Variants in RSBN1L observed in about 807,000 individuals in gnomAD.
RSBN1L encodes lysine-specific demethylase RSBN1L.
RSBN1L carries 30 observed loss-of-function variants against 67.7 expected under a neutral mutation model. The observed-to-expected ratio is 0.44, with a 90% CI of 0.33 to 0.60. The LOEUF (loss-of-function observed/expected upper bound fraction) is 0.60, where lower values mean the gene tolerates loss of function less well. Among genes scored for constraint, RSBN1L ranks in the 20% least tolerant of loss-of-function variants. RSBN1L has a pLI of 0.02. For missense variants in RSBN1L, 992 were observed against 1,031.7 expected (o/e 0.96, Z 0.53); for synonymous variants, 433 against 387.0 (o/e 1.12, Z -1.39).
intron 1 of RSBN1L, among the ~76,000 whole-genome samples, chr7:77,723,719 A>G (rs1791153465): frequency 6.6e-6 from 1 of 152,056 alleles, no homozygotes; most frequent in South Asian, 2.1e-4. Flanking sequence ...GAGGATCACA[A>G]GGTTAGGAGT....
chr7:77,769,980 C>T (rs1350736350), intron 5 of RSBN1L, among the ~76,000 whole-genome samples: 1 of 152,044 alleles, frequency 6.6e-6, no homozygotes, highest in Admixed American at 6.6e-5. Context: ...AATAAAAACA[C>T]GAAAGGTAAA....
In RSBN1L at chr7:77,749,725, TAA is replaced by T; in HGVS notation, c.1006_1007del (p.Asn336ProfsTer10). The T allele has an allele frequency of 6.2e-7, 1 of 1,614,160 alleles. No homozygotes were observed. Among genetic ancestry groups the T allele is most frequent in the Non-Finnish European group, 8.5e-7 (1 of 1,180,010 alleles). ...VSLKEPRVQN[N>X]LKRLDTLEFK... ...CATTAAAGGAGCCACGAGTTCAGAA[TAA>T]CCTCAAAAGGTTGGACACTTTGGAA... On this transcript the variant is annotated frameshift_variant, in exon 3 of 8. Transcript: ENST00000334955. LOFTEE classifies it high-confidence loss of function.
chr7:77,737,479 G>A (rs1791352546), intron 2 of RSBN1L, among the ~76,000 whole-genome samples: 1 of 152,154 alleles, frequency 6.6e-6, no homozygotes, highest in African/African-American at 2.4e-5. Flanking sequence ...TCTTTGTCAT[G>A]TTTTCAGATA....
intron 3 of RSBN1L, among the ~76,000 whole-genome samples, chr7:77,763,950 A>G (rs533016863): frequency 1.3e-5 from 2 of 152,248 alleles, no homozygotes; most frequent in Non-Finnish European, 2.9e-5. Context: ...GTCATTATTA[A>G]ACTGCTTTGC....
chr7:77,713,356 T>A (rs117493231), intron 1 of RSBN1L, among the ~76,000 whole-genome samples: 7 of 151,568 alleles, frequency 4.6e-5, no homozygotes, highest in African/African-American at 1.7e-4. Context: ...TTCTCTCTCT[T>A]CCTTTTTTTT....
intron 1 of RSBN1L, among the ~76,000 whole-genome samples, chr7:77,715,284 A>T (rs1791031588): frequency 6.6e-6 from 1 of 152,064 alleles, no homozygotes; most frequent in Non-Finnish European, 1.5e-5. Flanking sequence ...AGAAAGAAAG[A>T]TTAGAGTGGA....
At chr7:77,710,262 C>G (rs1790955262) in intron 1 of RSBN1L, among the ~76,000 whole-genome samples, 1 of 152,238 alleles carries the variant, frequency 6.6e-6, no homozygotes, top group Admixed American at 6.5e-5. Context: ...ACATACCACC[C>G]TGAACCCTGT....
At chr7:77,775,564 AC>A (rs1791902931) in intron 6 of RSBN1L, among the ~76,000 whole-genome samples, 1 of 151,792 alleles carries the variant, frequency 6.6e-6, no homozygotes, top group African/African-American at 2.4e-5. Flanking sequence ...TTCTTTTTTA[AC>A]CCATGGGTTA....
chr7:77,707,338 A>T (rs573000851), intron 1 of RSBN1L, among the ~76,000 whole-genome samples: 2 of 152,264 alleles, frequency 1.3e-5, no homozygotes, highest in East Asian at 1.9e-4. Context: ...ACTAGATTTT[A>T]TAAAGTCCTT....
intron 2 of RSBN1L, among the ~76,000 whole-genome samples, chr7:77,741,131 C>T (rs550349798): frequency 5.3e-5 from 8 of 151,458 alleles, no homozygotes; most frequent in African/African-American, 1.7e-4. Context: ...GAACTACAGG[C>T]GTGCGCCACC....
chr7:77,718,542 C>T (rs1027103085), intron 1 of RSBN1L, among the ~76,000 whole-genome samples: 7 of 152,218 alleles, frequency 4.6e-5, no homozygotes, highest in South Asian at 2.1e-4. Flanking sequence ...CTGCCTGCCC[C>T]GGCCTCTCAA....
At chr7:77,722,028 C>G (rs1478042213) in intron 1 of RSBN1L, among the ~76,000 whole-genome samples, 1 of 151,932 alleles carries the variant, frequency 6.6e-6, no homozygotes, top group African/African-American at 2.4e-5. Flanking sequence ...CTGAACTGGT[C>G]AAGTGATTTA....
chr7:77,708,643 A>G lies in RSBN1L; in HGVS notation c.586+11588A>G, dbSNP rs566345956. On this transcript the variant is annotated intron_variant, in intron 1 of 7. Coordinates refer to ENST00000334955, the MANE Select transcript of RSBN1L (RefSeq NM_198467.3). ...GTGATCCACCCGCCTCGACCTTCCA[A>G]AGTGCTGGGATTACAGGCGTGAGCC... Among the ~76,000 whole-genome samples the G allele has an allele frequency of 2.6e-5, 4 of 151,944 alleles. No individual in the cohort carries two copies. In the East Asian group the frequency reaches 7.7e-4, roughly 29 times the overall value.
intron 3 of RSBN1L, chr7:77,759,575 C>T (rs984080868): frequency 6.6e-6 from 1 of 152,064 alleles, no homozygotes; most frequent in African/African-American, 2.4e-5. Context: ...CTCCTCCCCA[C>T]CCGCTAAAAA....
intron 1 of RSBN1L, among the ~76,000 whole-genome samples, chr7:77,713,267 G>A (rs1341075554): frequency 2.0e-5 from 3 of 151,712 alleles, no homozygotes; most frequent in African/African-American, 7.3e-5. Context: ...ATTTAAGGGG[G>A]TGTACTTGGT....
In RSBN1L at chr7:77,736,451, G is replaced by C; in HGVS notation, c.628G>C (p.Glu210Gln). Residue 210 changes from glutamate (E) to glutamine (Q), a missense_variant, in exon 2 of 8, where the codon GAA (glutamate) becomes CAA (glutamine). Transcript: ENST00000334955. Reference protein sequence around the residue: ...DKIKERDKEKEREKKKHKVMN... With the variant: ...DKIKERDKEKQREKKKHKVMN... ...AATTAAAGAGAGAGACAAAGAAAAA[G>C]AAAGAGAAAAAAAGAAACATAAAGT... 8.7e-7 allele frequency: 1 copy of C among 1,143,526 alleles called. No individual in the cohort carries two copies. Among genetic ancestry groups the C allele is most frequent in the South Asian group, 1.5e-5 (1 of 68,324 alleles). 70.8% of individuals were successfully genotyped at this position (1,143,526 alleles called of 1,614,324 possible).
chr7:77,713,459 C>A (rs1349826705), intron 1 of RSBN1L, among the ~76,000 whole-genome samples: 1 of 151,794 alleles, frequency 6.6e-6, no homozygotes, highest in Non-Finnish European at 1.5e-5. Flanking sequence ...CAGGTTCACG[C>A]CATTCTCCTA....
chr7:77,744,040 C>T (rs1791448503), intron 2 of RSBN1L, among the ~76,000 whole-genome samples: 1 of 150,432 alleles, frequency 6.6e-6, no homozygotes, highest in Admixed American at 6.6e-5. Context: ...TTACTTTTTA[C>T]ATTTATTTTT....
At chr7:77,737,114 A>ATAAG (rs1268303603) in intron 2 of RSBN1L, among the ~76,000 whole-genome samples, 2 of 152,162 alleles carry the variant, frequency 1.3e-5, no homozygotes, top group African/African-American at 4.8e-5. Context: ...TGGTTGGGTA[A>ATAAG]TAAGTATACT....
Sources: allele counts gnomAD v4.1 joint callset (sites outside exome capture counted in the v4.1 genomes callset), GRCh38; gene constraint gnomAD v4.1.1; transcripts MANE v1.5; gene names NCBI Gene and HGNC (gene_info 2026-07-23, HGNC 2026-07-21).